Variants in MYO18B observed in about 807,000 individuals in gnomAD.
The protein encoded by MYO18B is myosin XVIIIB, also known as unconventional myosin-XVIIIb.
In MYO18B, 204 loss-of-function variants were observed where a neutral mutation model predicts 273.0. The observed-to-expected ratio is 0.75, with a 90% CI of 0.67 to 0.84. The LOEUF (loss-of-function observed/expected upper bound fraction) is 0.84, where lower values mean the gene tolerates loss of function less well. Among genes scored for constraint, MYO18B ranks in the 40% least tolerant of loss-of-function variants. The pLI is 0.00. For synonymous variants in MYO18B, 1,330 were observed against 1,305.7 expected, an observed-to-expected ratio of 1.02 and a Z score of -0.40; for missense variants, 3,212 against 3,287.6, an observed-to-expected ratio of 0.98 and a Z score of 0.56.
rs756005044 is a variant in MYO18B at position 25,915,663 on chromosome 22, G to C, written c.5364+4613G>C. Among the ~76,000 whole-genome samples the C allele has an allele frequency of 1.2e-3, 181 of 152,042 alleles. 2 individuals are homozygous for C. Among genetic ancestry groups the C allele is most frequent in the Admixed American group, 2.6e-3 (40 of 15,272 alleles). Reference sequence around the variant, plus strand: ...TTATTGAATATTATATGTTTTTTCTGCAATTGTTGATAATCTGATGACTTG... The same window carrying C: ...TTATTGAATATTATATGTTTTTTCTCCAATTGTTGATAATCTGATGACTTG... On this transcript the variant is annotated intron_variant, in intron 33 of 43. Transcript: ENST00000335473.
At position 25,768,504 on chromosome 22, in the gene MYO18B, T is replaced by C. The variant is rs1417661131; in HGVS notation, c.588T>C (p.Ser196=). 2 of 1,592,644 alleles carry C rather than the reference T, an allele frequency of 1.3e-6. No homozygotes were observed. Among genetic ancestry groups the C allele is most frequent in the African/African-American group, 1.4e-5 (1 of 73,480 alleles). ...GAAAGGAAAAGAAAGGGGAGACCTC[T>C]AGGACTCCTTGTGGCTCCCAGGCCA... is the stretch of plus-strand genomic sequence containing the variant. ...DTGKEKKGET[S]RTPCGSQAST... is the part of the protein sequence containing the mutation. The change falls in exon 4 of 44, where the codon TCT becomes TCC. Residue 196 remains serine, a synonymous_variant. Transcript: ENST00000335473.
At chr22:25,845,161 G>A (rs74423911) in intron 18 of MYO18B, among the ~76,000 whole-genome samples, 1,569 of 152,308 alleles carry the variant, frequency 0.01, 36 homozygotes, top group African/African-American at 0.034. Context: ...TAGAGAGCCC[G>A]GTTCGTAGTT....
chr22:25,916,636 T>C (rs760540064), intron 33 of MYO18B, among the ~76,000 whole-genome samples: 11 of 152,228 alleles, frequency 7.2e-5, no homozygotes, highest in Non-Finnish European at 1.5e-4. Flanking sequence ...AATTTTTAAT[T>C]TAATGGCATT....
At chr22:26,060,468 A>C in the MYO18B span, among the ~76,000 whole-genome samples, 1 of 152,244 alleles carries the variant, frequency 6.6e-6, no homozygotes, top group East Asian at 1.9e-4. Flanking sequence ...GTTGCAAAGG[A>C]GCTGTCTCCC....
At chr22:25,967,082 G>A (rs755850819) in intron 39 of MYO18B, among the ~76,000 whole-genome samples, 15 of 152,152 alleles carry the variant, frequency 9.9e-5, no homozygotes, top group Non-Finnish European at 1.9e-4. Flanking sequence ...CAAATAATGC[G>A]CTGAGGCTCA....
chr22:25,938,689 T>C (rs892259891), intron 34 of MYO18B, among the ~76,000 whole-genome samples: 1 of 152,260 alleles, frequency 6.6e-6, no homozygotes, highest in Admixed American at 6.5e-5. Flanking sequence ...AAGGGAAATA[T>C]TGATCCTCCT....
At chr22:25,776,303 A>G (rs1464688598) in intron 7 of MYO18B, among the ~76,000 whole-genome samples, 1 of 152,220 alleles carries the variant, frequency 6.6e-6, no homozygotes, top group African/African-American at 2.4e-5. Context: ...TCCTGGGACT[A>G]AAACGTTTTC....
chr22:25,813,721 C>T (rs1191958421), intron 12 of MYO18B, among the ~76,000 whole-genome samples: 6 of 152,166 alleles, frequency 3.9e-5, no homozygotes, highest in Admixed American at 3.9e-4. Context: ...GCCTAAGGGC[C>T]CCTGCACTGG....
At position 26,017,962 on chromosome 22, in the gene MYO18B, G is replaced by GTTTTTTTTTTTTTTTTTT. The variant is rs1339313323; in HGVS notation, c.6471-8479_6471-8478insTTTTTTTTTTTTTTTTTT. 2.6e-5 allele frequency among the ~76,000 whole-genome samples: 3 copies of GTTTTTTTTTTTTTTTTTT among 117,568 alleles called. 1 individual carries two copies. The highest frequency in any genetic ancestry group is 3.5e-5 in the Non-Finnish European group (2 of 57,946). The allele number at this position is 117,568 out of a possible 152,430, so 77.1% of individuals were successfully genotyped here. A position where few individuals can be genotyped will look rare whatever the true frequency, so the allele number is the denominator to read the frequency against. Reference sequence around the variant, plus strand: ...ATCACCACCCAGCTCCAATTTTACTGTTTTGTTTTTTTTTTTTTTTTTTTT... The same window carrying GTTTTTTTTTTTTTTTTTT: ...ATCACCACCCAGCTCCAATTTTACTGTTTTTTTTTTTTTTTTTTTTTTGTTTTTTTTTTTTTTTTTTTT... On this transcript the variant is annotated intron_variant, in intron 42 of 43. Transcript: ENST00000335473.
In MYO18B at chr22:25,866,608, A is replaced by AAGC. The variant is rs1601401417; in HGVS notation, c.3886-1709_3886-1707dup. Among the ~76,000 whole-genome samples, 4 of 152,124 alleles carry AAGC rather than the reference A, an allele frequency of 2.6e-5. No individual in the cohort carries two copies. The East Asian group carries it at 7.7e-4, about 29-fold the overall frequency. On this transcript the variant is annotated intron_variant, in intron 21 of 43. Coordinates refer to ENST00000335473, the MANE Select transcript of MYO18B (RefSeq NM_032608.7). ...GTAATCCCAGCACTATGGGAGGCTGAAGCAGGTGGATCATGAGGTCAAGAG... is the reference window on the plus strand; with the variant it reads ...GTAATCCCAGCACTATGGGAGGCTGAAGCAGCAGGTGGATCATGAGGTCAAGAG...
chr22:26,007,204 A>C (rs148355473), intron 42 of MYO18B, among the ~76,000 whole-genome samples: 2 of 152,316 alleles, frequency 1.3e-5, no homozygotes, highest in East Asian at 3.9e-4. Flanking sequence ...CCACATCCCC[A>C]GGGCTGGCTC....
At chr22:25,816,467 G>A (rs1418079143) in intron 12 of MYO18B, among the ~76,000 whole-genome samples, 1 of 152,016 alleles carries the variant, frequency 6.6e-6, no homozygotes, top group Non-Finnish European at 1.5e-5. Flanking sequence ...TTTACATTAG[G>A]TTTCTCCTAC....
rs1240279429 is a variant in MYO18B, at chr22:25,780,107, C to G, written c.2120C>G (p.Ser707Cys). 1 of 1,602,048 alleles carries G rather than the reference C, an allele frequency of 6.2e-7. No individual in the cohort carries two copies. The change falls in exon 9 of 44, where the codon TCC (serine) becomes TGC (cysteine). Residue 707 changes from serine to cysteine, a missense_variant. Coordinates refer to ENST00000335473, the MANE Select transcript of MYO18B (RefSeq NM_032608.7). ...GTCCTCCGGGCCTTCGGCTCTGTGT[C>G]CATGGCCCACAGCCGCAGTGCCACC... Reference protein sequence around the residue: ...FTVLRAFGSVSMAHSRSATRF... With the variant: ...FTVLRAFGSVCMAHSRSATRF...
At chr22:25,956,266 G>A (rs1416480112) in intron 39 of MYO18B, among the ~76,000 whole-genome samples, 1 of 151,468 alleles carries the variant, frequency 6.6e-6, no homozygotes, top group Non-Finnish European at 1.5e-5. Flanking sequence ...GCCAGGCTGG[G>A]GTGCAGTGGC....
chr22:25,769,473 T>C (rs766244293), intron 4 of MYO18B, 45 bp downstream of exon 4: 108 of 1,436,084 alleles, frequency 7.5e-5, no homozygotes, highest in Non-Finnish European at 9.3e-5. Context: ...CAGACAGGCC[T>C]CTCCAGAGAT....
chr22:25,948,920 G>C (rs946886485), intron 36 of MYO18B, among the ~76,000 whole-genome samples: 7 of 151,982 alleles, frequency 4.6e-5, no homozygotes, highest in African/African-American at 1.7e-4. Context: ...ACTTAGATTG[G>C]AGTGGGACAT....
chr22:26,048,638 A>G, the MYO18B span, among the ~76,000 whole-genome samples: 1 of 152,204 alleles, frequency 6.6e-6, no homozygotes, highest in Non-Finnish European at 1.5e-5. Context: ...GCTGACCTAC[A>G]GGACTATAAG....
intron 11 of MYO18B, among the ~76,000 whole-genome samples, chr22:25,793,332 T>C (rs1046105014): frequency 6.6e-6 from 1 of 152,188 alleles, no homozygotes; most frequent in African/African-American, 2.4e-5. Context: ...ACTCCTTGGC[T>C]CAAGTAATTC....
intron 11 of MYO18B, among the ~76,000 whole-genome samples, chr22:25,790,948 C>G (rs1009951215): frequency 1.3e-5 from 2 of 152,174 alleles, no homozygotes; most frequent in Non-Finnish European, 2.9e-5. Flanking sequence ...GTGGACCCAG[C>G]TCAGTGGGTG....
Sources: allele counts gnomAD v4.1 joint callset (sites outside exome capture counted in the v4.1 genomes callset), GRCh38; gene constraint gnomAD v4.1.1; transcripts MANE v1.5; gene names NCBI Gene and HGNC (gene_info 2026-07-23, HGNC 2026-07-21).